The following NOTCH2 variants were observed in gnomAD, a reference collection of about 807,000 sequenced individuals.
The protein encoded by NOTCH2 is notch receptor 2.
A neutral mutation model predicts 235.8 loss-of-function variants in NOTCH2; 29 were observed. The observed-to-expected ratio is 0.12, with a 90% confidence interval of 0.09 to 0.17. NOTCH2 has a LOEUF of 0.17. NOTCH2 is among the 10% of genes least tolerant of loss of function. NOTCH2 has a pLI of 1.00. For missense variants in NOTCH2, 2,285 were observed against 3,150.2 expected, an observed-to-expected ratio of 0.73 and a Z score of 6.57; for synonymous variants, 1,086 against 1,141.5, an observed-to-expected ratio of 0.95 and a Z score of 0.98.
chr1:119,934,795 T>C (rs1001775104), intron 22 of NOTCH2, among the ~76,000 whole-genome samples: 1 of 152,206 alleles, frequency 6.6e-6, no homozygotes, highest in African/African-American at 2.4e-5. Flanking sequence ...GGCCCCAGCA[T>C]AACTACATCC....
rs1247341067 is a variant in NOTCH2 at position 120,030,118 on chromosome 1, A to G, written c.74-131T>C. ...TGGGTTTCTTTTTAGAGTTTTAATC[A>G]GTTTTTTATGTTCTGGCTTCTAGCA... On this transcript the variant is annotated intron_variant, in intron 1 of 33. Coordinates refer to ENST00000256646, the MANE Select transcript of NOTCH2 (RefSeq NM_024408.4). 1.5e-5 allele frequency: 10 copies of G among 654,278 alleles called. 1 individual carries two copies. The highest frequency in any genetic ancestry group is 2.5e-5 in the Non-Finnish European group (9 of 356,840). 40.5% of individuals were successfully genotyped at this position (654,278 alleles called of 1,614,324 possible).
chr1:119,954,737 C>A (rs1265307654), intron 13 of NOTCH2, among the ~76,000 whole-genome samples: 1 of 152,180 alleles, frequency 6.6e-6, no homozygotes, highest in Admixed American at 6.5e-5. Context: ...GTAATACATA[C>A]TAAAAACATA....
At chr1:120,027,497 T>C (rs1396852267) in intron 2 of NOTCH2, among the ~76,000 whole-genome samples, 2 of 149,466 alleles carry the variant, frequency 1.3e-5, no homozygotes, top group African/African-American at 5.0e-5. Context: ...TTGGGATACA[T>C]GTGCAGAATG....
chr1:119,919,231 A>C, intron 31 of NOTCH2, 81 bp downstream of exon 31: 1 of 1,348,116 alleles, frequency 7.4e-7, no homozygotes, highest in Non-Finnish European at 1.0e-6. Context: ...AAATTCAATG[A>C]GATATTAATT....
intron 8 of NOTCH2, among the ~76,000 whole-genome samples, chr1:119,966,883 G>A (rs1187666186): frequency 6.6e-6 from 1 of 152,206 alleles, no homozygotes; most frequent in Non-Finnish European, 1.5e-5. Context: ...AAGGTCAGCA[G>A]TGCCTTTCAA....
chr1:119,928,031 T>A (rs1220962165), intron 23 of NOTCH2, among the ~76,000 whole-genome samples: 1 of 152,150 alleles, frequency 6.6e-6, no homozygotes, highest in East Asian at 1.9e-4. Context: ...GATCACACCC[T>A]CCATATAAGA....
chr1:119,929,327 G>A (rs1301256385), intron 22 of NOTCH2, 115 bp from the exon 23 acceptor site: 1 of 835,558 alleles, frequency 1.2e-6, no homozygotes, highest in Non-Finnish European at 2.0e-6. Flanking sequence ...CTCCTCAACT[G>A]GTAGTGGGAC....
At chr1:119,955,267 A>T in intron 12 of NOTCH2, 35 bp from the exon 13 acceptor site, 1 of 1,604,318 alleles carries the variant, frequency 6.2e-7, no homozygotes, top group Non-Finnish European at 8.5e-7. Context: ...GTCACATCCT[A>T]AATGCTTAGG....
chr1:119,925,967 C>T (rs960611609), intron 24 of NOTCH2, among the ~76,000 whole-genome samples, 157 bp from the exon 25 acceptor site: 15 of 152,172 alleles, frequency 9.9e-5, no homozygotes, highest in Non-Finnish European at 8.8e-5. Flanking sequence ...TGGTATCTCC[C>T]GAGGCATAGG....
intron 5 of NOTCH2, among the ~76,000 whole-genome samples, chr1:119,975,347 T>A (rs988111822): frequency 6.6e-6 from 1 of 152,176 alleles, no homozygotes; most frequent in Non-Finnish European, 1.5e-5. Context: ...GCTGAACAAG[T>A]AAGATTATGG....
chr1:119,948,900 G>C lies in NOTCH2; in HGVS notation c.2599+107C>G, dbSNP rs1174078721. The stretch of plus-strand genomic sequence containing the variant: ...AAACCTGTGTGCTCTTGACAAGATG[G>C]ACAGGCCTCATAAGACCAGCAGGGC... On this transcript the variant is annotated intron_variant, in intron 16 of 33. Transcript: ENST00000256646. The C allele has an allele frequency of 2.9e-6, 4 of 1,381,860 alleles. No homozygotes were observed. The Admixed American group carries it at 6.7e-5, about 23-fold the overall frequency. 85.6% of individuals were successfully genotyped at this position (1,381,860 alleles called of 1,614,324 possible). A position where few individuals can be genotyped will look rare whatever the true frequency, so the allele number is the denominator to read the frequency against.
At chr1:120,025,187 T>G (rs1269465136) in intron 2 of NOTCH2, among the ~76,000 whole-genome samples, 281 of 150,528 alleles carry the variant, frequency 1.9e-3, no homozygotes, top group Non-Finnish European at 1.3e-3. Context: ...AGCTTCAAAG[T>G]ATGCATACAA....
chr1:119,968,373 G>T, intron 6 of NOTCH2, 141 bp from the exon 7 acceptor site: 1 of 948,242 alleles, frequency 1.1e-6, no homozygotes, highest in South Asian at 1.4e-5. Flanking sequence ...CTTCTGCTTT[G>T]CCTGACCCTA....
chr1:120,069,426 TCCGCCGCCG>T lies in NOTCH2; in HGVS notation c.-29_-21del, dbSNP rs372737711. ...GGGCATCTTCTCGGTCGCCTCCTCC[TCCGCCGCCG>T]CCGCCGCCGCCTGGGCAGATCCACA... is the stretch of plus-strand genomic sequence containing the variant. On this transcript the variant is annotated 5_prime_UTR_variant, in exon 1 of 34. Transcript: ENST00000256646. 793 of 1,516,542 alleles carry T rather than the reference TCCGCCGCCG, an allele frequency of 5.2e-4. No individual in the cohort carries two copies. Among genetic ancestry groups the T allele is most frequent in the Admixed American group, 7.6e-4 (38 of 49,764 alleles). The allele number at this position is 1,516,542 out of a possible 1,614,324, so 93.9% of individuals were successfully genotyped here. A position where few individuals can be genotyped will look rare whatever the true frequency, so the allele number is the denominator to read the frequency against.
rs782100759 is a variant in NOTCH2 at position 119,997,039 on chromosome 1, G to A, written c.709C>T (p.Arg237Trp). Residue 237 changes from arginine to tryptophan, a missense_variant, in exon 4 of 34, where the codon CGG (arginine) becomes TGG (tryptophan). Coordinates refer to ENST00000256646, the MANE Select transcript of NOTCH2 (RefSeq NM_024408.4). ...PSPCVNGGTC[R>W]QTGDFTFECN... ...TCAAAAGTGAAGTCACCAGTCTGCC[G>A]ACAGGTGCCTCCATTGACACAAGGT... 1.2e-5 allele frequency: 20 copies of A among 1,613,882 alleles called. No individual in the cohort carries two copies. The highest frequency in any genetic ancestry group is 8.9e-5 in the East Asian group (4 of 44,894).
In NOTCH2 at chr1:120,036,777, A is replaced by C. The variant is rs376650289; in HGVS notation, c.74-6790T>G. Among the ~76,000 whole-genome samples, 3 of 146,708 alleles carry C rather than the reference A, an allele frequency of 2.0e-5. No homozygotes were observed. In the East Asian group the frequency reaches 6.0e-4, roughly 29 times the overall value. On this transcript the variant is annotated intron_variant, in intron 1 of 33. Transcript: ENST00000256646. ...CAAACAACAGAATAAGCTGCCATTG[A>C]TTTTAACCAGTTCCAGCGCCTCAGA... is the stretch of plus-strand genomic sequence containing the variant.
intron 5 of NOTCH2, among the ~76,000 whole-genome samples, chr1:119,983,892 T>G (rs1553201936): frequency 6.6e-6 from 1 of 152,206 alleles, no homozygotes; most frequent in East Asian, 1.9e-4. Flanking sequence ...AATGCCTATC[T>G]TTTTTCAGCC....
At chr1:119,941,405 G>T (rs1333051046) in intron 18 of NOTCH2, 121 bp downstream of exon 18, 6 of 737,094 alleles carry the variant, frequency 8.1e-6, no homozygotes, top group Non-Finnish European at 1.5e-5. Context: ...GATGACTGTG[G>T]ACTGGGATCC....
In NOTCH2 at chr1:119,947,457, T is replaced by C. The variant is rs587600046; in HGVS notation, c.2752+957A>G. Among the ~76,000 whole-genome samples, 199 of 152,244 alleles carry C rather than the reference T, an allele frequency of 1.3e-3. 1 individual carries two copies. The highest frequency in any genetic ancestry group is 2.2e-3 in the Non-Finnish European group (147 of 67,978). The stretch of plus-strand genomic sequence containing the variant: ...AGAATAATACAAATTAAAATCACAA[T>C]GAAATACCACTCTACACCCACTAGA... On this transcript the variant is annotated intron_variant, in intron 17 of 33. Transcript: ENST00000256646.
Sources: allele counts gnomAD v4.1 joint callset (sites outside exome capture counted in the v4.1 genomes callset), GRCh38; gene constraint gnomAD v4.1.1; transcripts MANE v1.5; gene names NCBI Gene and HGNC (gene_info 2026-07-23, HGNC 2026-07-21).